Variants in ESCO2 observed in about 807,000 individuals in gnomAD.
The protein encoded by ESCO2 is N-acetyltransferase ESCO2.
Under a neutral mutation model 61.7 loss-of-function variants are expected in ESCO2, and 51 were observed. That is an observed-to-expected ratio of 0.83 (90% confidence interval 0.66 to 1.04). The LOEUF is 1.04. Among genes scored for constraint, ESCO2 ranks in the 50% least tolerant of loss-of-function variants. The pLI, the probability that ESCO2 is intolerant of heterozygous loss-of-function variation, is 0.00. For missense variants in ESCO2, 692 were observed against 686.2 expected (o/e 1.01, Z -0.09); for synonymous variants, 230 against 238.2 (o/e 0.97, Z 0.32).
chr8:27,802,652 TATATTA>T (rs1469395386), intron 10 of ESCO2, among the ~76,000 whole-genome samples: 2 of 70,712 alleles, frequency 2.8e-5, no homozygotes, highest in African/African-American at 6.7e-5. Flanking sequence ...TATATATATA[TATATTA>T]TATATATATA....
chr8:27,775,071 A>T (rs1448314670), intron 1 of ESCO2, among the ~76,000 whole-genome samples: 3 of 152,224 alleles, frequency 2.0e-5, no homozygotes, highest in African/African-American at 7.2e-5. Context: ...CGAGCCACGT[A>T]GCCGCCTGCT....
the ESCO2 span, among the ~76,000 whole-genome samples, chr8:27,818,610 C>G: frequency 6.6e-6 from 1 of 152,042 alleles, no homozygotes; most frequent in Non-Finnish European, 1.5e-5. Context: ...CATAATAGAG[C>G]TTTTATCTGT....
rs1437638582 is a variant in ESCO2 at position 27,781,515 on chromosome 8, T to G, written c.955+1248T>G. Among the ~76,000 whole-genome samples, 3 of 148,936 alleles carry G rather than the reference T, an allele frequency of 2.0e-5. No homozygotes were observed. In the East Asian group the frequency reaches 6.6e-4, roughly 33 times the overall value. On this transcript the variant is annotated intron_variant, in intron 4 of 10. Transcript: ENST00000305188. ...TGTTTCCTCCATTCTTAACATCTTA[T>G]GTTATAATACTTTTGTCAAAACTAA...
At chr8:27,782,289 A>C (rs1475923921) in intron 4 of ESCO2, among the ~76,000 whole-genome samples, 2 of 152,022 alleles carry the variant, frequency 1.3e-5, no homozygotes, top group Non-Finnish European at 2.9e-5. Context: ...TTTGAGACAG[A>C]GGCTCACTCT....
downstream of ESCO2, chr8:27,811,484 C>T: frequency 2.7e-6 from 1 of 369,044 alleles, no homozygotes; most frequent in South Asian, 3.4e-5. Flanking sequence ...GAGCAGATCA[C>T]TTCTAGACCT....
chr8:27,819,076 G>A, the ESCO2 span, among the ~76,000 whole-genome samples: 2 of 152,152 alleles, frequency 1.3e-5, no homozygotes, highest in East Asian at 3.8e-4. Flanking sequence ...ATTTTGGCAT[G>A]AGTATCATCG....
chr8:27,800,236 A>C (rs1805394547), intron 10 of ESCO2, among the ~76,000 whole-genome samples: 1 of 152,228 alleles, frequency 6.6e-6, no homozygotes, highest in Non-Finnish European at 1.5e-5. Context: ...AATAGTTGCA[A>C]ATCATTTGTC....
At chr8:27,772,128 T>C (rs1445940100), upstream of ESCO2, 1 of 252,408 alleles carries the variant, frequency 4.0e-6, no homozygotes, top group Non-Finnish European at 7.7e-6. Context: ...TCACAGGGGA[T>C]AATTACAAGG....
intron 9 of ESCO2, among the ~76,000 whole-genome samples, chr8:27,797,688 ATTTC>A (rs745856546): frequency 6.6e-6 from 1 of 151,474 alleles, no homozygotes; most frequent in Non-Finnish European, 1.5e-5. Flanking sequence ...GTGTGCTTTG[ATTTC>A]TTTATCTTTT....
At chr8:27,799,003 A>C (rs753327516) in intron 9 of ESCO2, among the ~76,000 whole-genome samples, 1 of 152,192 alleles carries the variant, frequency 6.6e-6, no homozygotes, top group Non-Finnish European at 1.5e-5. Flanking sequence ...ACACACCATT[A>C]TACCAATGGT....
At chr8:27,787,417 G>A (rs79515348) in intron 5 of ESCO2, among the ~76,000 whole-genome samples, 1 of 113,062 alleles carries the variant, frequency 8.8e-6, no homozygotes, top group East Asian at 2.5e-4. Context: ...TTGCCCAGGT[G>A]CTGGGTCATA....
At chr8:27,801,296 T>G (rs1805418319) in intron 10 of ESCO2, among the ~76,000 whole-genome samples, 1 of 152,054 alleles carries the variant, frequency 6.6e-6, no homozygotes, top group Admixed American at 6.5e-5. Context: ...AGATAATAGG[T>G]TACAAACCAG....
chr8:27,809,116 G>A (rs1805619648), downstream of ESCO2, among the ~76,000 whole-genome samples: 1 of 152,116 alleles, frequency 6.6e-6, no homozygotes, highest in African/African-American at 2.4e-5. Context: ...GAATGCCCTG[G>A]AGAAGCTGCT....
At chr8:27,777,374 T>C in intron 3 of ESCO2, 2 of 428,742 alleles carry the variant, frequency 4.7e-6, no homozygotes, top group South Asian at 5.4e-5. Flanking sequence ...GGCACACTGC[T>C]CACTACAGCC....
At chr8:27,786,735 GT>G (rs1206495150) in intron 5 of ESCO2, among the ~76,000 whole-genome samples, 1 of 150,694 alleles carries the variant, frequency 6.6e-6, no homozygotes, top group East Asian at 1.9e-4. Flanking sequence ...CAGACAAATG[GT>G]AAGAAGATAG....
Position 27,804,884 on chromosome 8 carries a change from A to T in ESCO2, c.*1446A>T, listed in dbSNP as rs1805527483. 1 of 507,642 alleles carries T rather than the reference A, an allele frequency of 2.0e-6. No individual in the cohort carries two copies. The highest frequency in any genetic ancestry group is 2.1e-5 in the African/African-American group (1 of 48,118). 31.4% of individuals were successfully genotyped at this position (507,642 alleles called of 1,614,324 possible). On this transcript the variant is annotated 3_prime_UTR_variant, in exon 11 of 11. Coordinates refer to ENST00000305188, the MANE Select transcript of ESCO2 (RefSeq NM_001017420.3). ...TAATGCTTTTGTTATGAATCAATTAAAATTCTTTATTTTATACAACTAAAT... is the reference window on the plus strand; with the variant it reads ...TAATGCTTTTGTTATGAATCAATTATAATTCTTTATTTTATACAACTAAAT...
chr8:27,810,992 T>C, downstream of ESCO2: 1 of 1,610,386 alleles, frequency 6.2e-7, no homozygotes, highest in Non-Finnish European at 8.5e-7. Flanking sequence ...GATTAATGTG[T>C]GGAATCGATA....
chr8:27,803,868 T>C lies in ESCO2; in HGVS notation c.*430T>C, dbSNP rs1170508804. The C allele has an allele frequency of 3.0e-6, 3 of 990,934 alleles. No individual in the cohort carries two copies. The highest frequency in any genetic ancestry group is 3.5e-5 in the African/African-American group (2 of 57,210). 61.4% of individuals were successfully genotyped at this position (990,934 alleles called of 1,614,324 possible). On this transcript the variant is annotated 3_prime_UTR_variant, in exon 11 of 11. Coordinates refer to ENST00000305188, the MANE Select transcript of ESCO2 (RefSeq NM_001017420.3). ...ACAGGCAAATTTAAACTTGGGCAAGTAATTTCTGTGCCCAATTTGTAAAGG... is the reference window on the plus strand; with the variant it reads ...ACAGGCAAATTTAAACTTGGGCAAGCAATTTCTGTGCCCAATTTGTAAAGG...
At chr8:27,777,379 A>AT (rs1391055553) in intron 3 of ESCO2, 11 of 393,334 alleles carry the variant, frequency 2.8e-5, no homozygotes, top group Non-Finnish European at 4.0e-5. Context: ...ACTGCTCACT[A>AT]CAGCCTCAAC....
Sources: allele counts gnomAD v4.1 joint callset (sites outside exome capture counted in the v4.1 genomes callset), GRCh38; gene constraint gnomAD v4.1.1; transcripts MANE v1.5; gene names NCBI Gene and HGNC (gene_info 2026-07-23, HGNC 2026-07-21).